CXCL13: variants seen among roughly 807,000 people sequenced by gnomAD.
CXCL13 encodes the protein C-X-C motif chemokine 13.
CXCL13 carries 7 observed loss-of-function variants against 12.2 expected under a neutral mutation model. The observed-to-expected ratio is 0.57, with a 90% CI of 0.33 to 1.07. The LOEUF is 1.07. CXCL13 is among the 50% of genes least tolerant of loss of function. The probability of loss-of-function intolerance (pLI) is 0.04; values close to 1 mark genes in which losing one functional copy is unlikely to be tolerated. For synonymous variants in CXCL13, 47 were observed against 42.4 expected, an observed-to-expected ratio of 1.11 and a Z score of -0.42; for missense variants, 113 against 127.4, an observed-to-expected ratio of 0.89 and a Z score of 0.55.
At chr4:77,550,078 C>T (rs543542205) in intron 1 of CXCL13, among the ~76,000 whole-genome samples, 2 of 152,332 alleles carry the variant, frequency 1.3e-5, no homozygotes, top group African/African-American at 4.8e-5. Context: ...CTTGCTGCTG[C>T]CTCACAGTTC....
At chr4:77,514,825 T>A (rs1173886569) in intron 1 of CXCL13, among the ~76,000 whole-genome samples, 1 of 152,178 alleles carries the variant, frequency 6.6e-6, no homozygotes, top group Admixed American at 6.5e-5. Context: ...ATCCCATTTG[T>A]CAATTTTGGC....
chr4:77,557,674 G>A (rs879065840), intron 1 of CXCL13, among the ~76,000 whole-genome samples: 18 of 152,298 alleles, frequency 1.2e-4, no homozygotes, highest in East Asian at 9.7e-4. Context: ...TGCATTGAGC[G>A]GGGCAGGTCC....
chr4:77,566,109 T>G (rs1725919529), intron 1 of CXCL13, among the ~76,000 whole-genome samples: 1 of 152,180 alleles, frequency 6.6e-6, no homozygotes, highest in South Asian at 2.1e-4. Context: ...TCAAGTTTGG[T>G]GATGAAGGCA....
At chr4:77,576,439 C>A (rs1726198305) in intron 1 of CXCL13, among the ~76,000 whole-genome samples, 1 of 152,198 alleles carries the variant, frequency 6.6e-6, no homozygotes, top group African/African-American at 2.4e-5. Context: ...GTATTCTTAA[C>A]TTATGGCAAT....
upstream of CXCL13, among the ~76,000 whole-genome samples, chr4:77,600,875 T>C (rs1448707121): frequency 1.3e-5 from 2 of 152,212 alleles, no homozygotes; most frequent in African/African-American, 2.4e-5. Flanking sequence ...CCCTCCTTCA[T>C]GAATATTTCA....
chr4:77,543,329 T>C (rs1247215226), intron 1 of CXCL13, among the ~76,000 whole-genome samples: 1 of 152,134 alleles, frequency 6.6e-6, no homozygotes, highest in Non-Finnish European at 1.5e-5. Flanking sequence ...TTTCATTGAT[T>C]CTTTGTATGG....
At chr4:77,519,538 A>T (rs566156426) in intron 1 of CXCL13, among the ~76,000 whole-genome samples, 1 of 152,164 alleles carries the variant, frequency 6.6e-6, no homozygotes, top group South Asian at 2.1e-4. Flanking sequence ...GTCTGTTCAT[A>T]TCCTTTGCCT....
intron 2 of CXCL13, among the ~76,000 whole-genome samples, chr4:77,609,748 C>T (rs1277511318): frequency 3.9e-5 from 6 of 152,208 alleles, no homozygotes; most frequent in African/African-American, 1.2e-4. Context: ...AAGCATTTAA[C>T]ACTATATCTG....
intron 1 of CXCL13, among the ~76,000 whole-genome samples, chr4:77,525,577 G>A (rs921244666): frequency 3.9e-5 from 6 of 151,978 alleles, no homozygotes; most frequent in African/African-American, 7.2e-5. Flanking sequence ...AGCAAAATGC[G>A]TGAATGTTTA....
chr4:77,586,208 A>G (rs561772305), intron 1 of CXCL13, among the ~76,000 whole-genome samples: 71 of 152,104 alleles, frequency 4.7e-4, no homozygotes, highest in Admixed American at 1.7e-3. Flanking sequence ...GTGAAAGTCT[A>G]AATTTGACAT....
chr4:77,521,769 C>T lies in CXCL13; in HGVS notation c.-43+9981C>T, dbSNP rs182468109. ...TTCTGCTAGCTTTTGAATTTGTTTG[C>T]TCTTGCTTCTCTAGTTTTTTTAATT... is the stretch of plus-strand genomic sequence containing the variant. On this transcript the variant is annotated intron_variant, in intron 1 of 4. Coordinates refer to the CXCL13 transcript ENST00000286758. Among the ~76,000 whole-genome samples the T allele has an allele frequency of 3.0e-4, 46 of 152,084 alleles. 1 individual carries two copies. The East Asian group carries it at 5.8e-3, about 19-fold the overall frequency.
chr4:77,535,122 CA>C (rs1486202180), intron 1 of CXCL13, among the ~76,000 whole-genome samples: 2 of 152,190 alleles, frequency 1.3e-5, no homozygotes, highest in African/African-American at 4.8e-5. Context: ...GAACTTCTTC[CA>C]GACACACACA....
chr4:77,582,267 GTCC>G (rs1726355059), intron 1 of CXCL13, among the ~76,000 whole-genome samples: 1 of 152,094 alleles, frequency 6.6e-6, no homozygotes, highest in Non-Finnish European at 1.5e-5. Context: ...CAAAGCCTCT[GTCC>G]TCATGGAGTC....
In CXCL13 at chr4:77,551,558, C is replaced by T. The variant is rs562390987; in HGVS notation, c.-43+39770C>T. Among the ~76,000 whole-genome samples the T allele has an allele frequency of 4.3e-3, 656 of 152,240 alleles. 2 individuals are homozygous for T. Among genetic ancestry groups the T allele is most frequent in the Non-Finnish European group, 4.7e-3 (317 of 68,016 alleles). On this transcript the variant is annotated intron_variant, in intron 1 of 4. Transcript: ENST00000286758. ...TTTAAGTCTTTTCTTTAGTATTGAC[C>T]TTGGACAGTCTGGTGACTACATGCC...
intron 2 of CXCL13, among the ~76,000 whole-genome samples, chr4:77,608,190 C>T (rs1727038214): frequency 1.3e-5 from 2 of 152,234 alleles, no homozygotes; most frequent in South Asian, 2.1e-4. Context: ...CCTGTAATCC[C>T]AGCACTTTAG....
At chr4:77,531,782 T>G (rs1724932546) in intron 1 of CXCL13, among the ~76,000 whole-genome samples, 1 of 152,214 alleles carries the variant, frequency 6.6e-6, no homozygotes, top group East Asian at 1.9e-4. Flanking sequence ...GTTGAATTGA[T>G]CCCTTTACCA....
chr4:77,529,626 G>T (rs1055358142), intron 1 of CXCL13, among the ~76,000 whole-genome samples: 1 of 152,198 alleles, frequency 6.6e-6, no homozygotes, highest in Non-Finnish European at 1.5e-5. Flanking sequence ...CATTGATTTT[G>T]TATCCTGAGA....
At chr4:77,583,778 C>T (rs1446378377) in intron 1 of CXCL13, among the ~76,000 whole-genome samples, 1 of 152,106 alleles carries the variant, frequency 6.6e-6, no homozygotes, top group Non-Finnish European at 1.5e-5. Context: ...CTTTCTAGGC[C>T]GTTATAAGTG....
chr4:77,548,954 C>T lies in CXCL13; in HGVS notation c.-43+37166C>T, dbSNP rs535672019. On this transcript the variant is annotated intron_variant, in intron 1 of 4. Coordinates refer to the CXCL13 transcript ENST00000286758. ...TTTTCCAACTTGGTTCCATTCTCCT[C>T]ATCACTTTCAGGTATACCAATCAAA... Among the ~76,000 whole-genome samples, 18 of 152,324 alleles carry T rather than the reference C, an allele frequency of 1.2e-4. No homozygotes were observed. In the East Asian group the frequency reaches 2.9e-3, roughly 24 times the overall value.
Sources: allele counts gnomAD v4.1 joint callset (sites outside exome capture counted in the v4.1 genomes callset), GRCh38; gene constraint gnomAD v4.1.1; transcripts MANE v1.5; gene names NCBI Gene and HGNC (gene_info 2026-07-23, HGNC 2026-07-21).